The following TLR5 variants were observed in gnomAD, a reference collection of about 807,000 sequenced individuals.
The protein encoded by TLR5 is toll like receptor 5, also known as toll-like receptor 5.
For synonymous variants in TLR5, 373 were observed against 384.4 expected (o/e 0.97, Z 0.35); for missense variants, 944 against 999.8 (o/e 0.94, Z 0.75).
rs139710062 is a variant in TLR5, at chr1:223,131,367, C to T, written c.-5+1108G>A. Among the ~76,000 whole-genome samples, 4 of 152,320 alleles carry T rather than the reference C, an allele frequency of 2.6e-5. No homozygotes were observed. Among genetic ancestry groups the T allele is most frequent in the East Asian group, 3.9e-4 (2 of 5,182 alleles). ...TGGCATCCCATCACTGCCTTGTGCT[C>T]GAGATCTAACTTGCCATTCTCAGAG... On this transcript the variant is annotated intron_variant, in intron 5 of 5. Coordinates refer to ENST00000642603, the MANE Select transcript of TLR5 (RefSeq NM_003268.6). The surrounding 1 kb of genome is among the most constrained non-coding windows in gnomAD (Gnocchi z 4.2).
chr1:223,113,104 T>A (rs886434918), intron 5 of TLR5, 69 bp from the exon 6 acceptor site: 6 of 1,461,706 alleles, frequency 4.1e-6, no homozygotes, highest in African/African-American at 1.4e-5. Context: ...GGTCTTCAGA[T>A]CTTGGGGGTA....
In TLR5 at chr1:223,110,963, A is replaced by G. The variant is rs2102857326; in HGVS notation, c.2069T>C (p.Met690Thr). The G allele has an allele frequency of 2.5e-6, 4 of 1,614,268 alleles. No homozygotes were observed. The highest frequency in any genetic ancestry group is 1.7e-5 in the Admixed American group (1 of 60,030). Reference sequence around the variant, plus strand: ...GCACAAATAGGCATCATATTTGTACATATCAGGTTCTGTGCCCTGGGGATG... The same window carrying G: ...GCACAAATAGGCATCATATTTGTACGTATCAGGTTCTGTGCCCTGGGGATG... ...KDHPQGTEPD[M>T]YKYDAYLCFS... The change falls in exon 6 of 6, where the codon ATG becomes ACG. Residue 690 changes from methionine (M) to threonine (T), a missense_variant. Physicochemically the swap from Met to Thr is moderately conservative, Grantham distance 81. Transcript: ENST00000642603.
intron 5 of TLR5, among the ~76,000 whole-genome samples, chr1:223,125,029 TG>T (rs1213941551): frequency 6.6e-6 from 1 of 152,136 alleles, no homozygotes; most frequent in African/African-American, 2.4e-5. Flanking sequence ...ATATTGGAGG[TG>T]TATTTTGTGT....
chr1:223,136,224 T>C (rs1224277172), intron 3 of TLR5, among the ~76,000 whole-genome samples: 1 of 152,088 alleles, frequency 6.6e-6, no homozygotes, highest in Non-Finnish European at 1.5e-5. Context: ...AGGACCCCAG[T>C]GAGTTAGCTA....
In TLR5 at chr1:223,111,460, A is replaced by G; in HGVS notation, c.1572T>C (p.His524=). Reference sequence around the variant, plus strand: ...GGCTTAGTCCCCTTAATGCAGTCAGATGGCTAAATACTCCTGGTGGAAGGG... The same window carrying G: ...GGCTTAGTCCCCTTAATGCAGTCAGGTGGCTAAATACTCCTGGTGGAAGGG... ...LNSLPPGVFS[H]LTALRGLSLN... is the part of the protein sequence containing the mutation. The change falls in exon 6 of 6, where the codon CAT becomes CAC. Residue 524 remains histidine (H), a synonymous_variant. Transcript: ENST00000642603. The G allele has an allele frequency of 1.9e-6, 3 of 1,614,192 alleles. No homozygotes were observed. The highest frequency in any genetic ancestry group is 2.5e-6 in the Non-Finnish European group (3 of 1,180,034).
At chr1:223,117,533 A>G (rs563602619) in intron 5 of TLR5, among the ~76,000 whole-genome samples, 6 of 142,294 alleles carry the variant, frequency 4.2e-5, no homozygotes, top group African/African-American at 1.6e-4. Context: ...TATTCTCCAT[A>G]CAGCAAACAG....
chr1:223,131,433 G>A lies in TLR5; in HGVS notation c.-5+1042C>T, dbSNP rs931490491. 1.9e-4 allele frequency among the ~76,000 whole-genome samples: 29 copies of A among 152,146 alleles called. No individual in the cohort carries two copies. Among genetic ancestry groups the A allele is most frequent in the African/African-American group, 7.0e-4 (29 of 41,432 alleles). ...ATTCTCTCAGCTTAGGCTGGTCCTGGGGCTTGGAATGCTCGTGAATGTCTC... is the reference window on the plus strand; with the variant it reads ...ATTCTCTCAGCTTAGGCTGGTCCTGAGGCTTGGAATGCTCGTGAATGTCTC... On this transcript the variant is annotated intron_variant, in intron 5 of 5. Transcript: ENST00000642603. The surrounding 1 kb of genome is among the most constrained non-coding windows in gnomAD (Gnocchi z 4.2).
At chr1:223,117,996 T>C (rs1408951661) in intron 5 of TLR5, among the ~76,000 whole-genome samples, 1 of 152,164 alleles carries the variant, frequency 6.6e-6, no homozygotes, top group Non-Finnish European at 1.5e-5. Flanking sequence ...CTGTAAAATA[T>C]TTAAAGAGGT....
intron 5 of TLR5, among the ~76,000 whole-genome samples, chr1:223,115,257 ATTAT>A (rs1184055039): frequency 1.3e-5 from 2 of 152,110 alleles, no homozygotes; most frequent in Non-Finnish European, 2.9e-5. Flanking sequence ...TGTTTTATTT[ATTAT>A]TTATTTGAGA....
At chr1:223,138,476 G>C (rs1404153998) in intron 2 of TLR5, among the ~76,000 whole-genome samples, 4 of 151,846 alleles carry the variant, frequency 2.6e-5, no homozygotes, top group Non-Finnish European at 5.9e-5. Context: ...TCTGCTTCAG[G>C]CTTCTTCCAT....
chr1:223,114,701 TG>T (rs1338569945), intron 5 of TLR5, among the ~76,000 whole-genome samples: 2 of 152,176 alleles, frequency 1.3e-5, no homozygotes, highest in Non-Finnish European at 1.5e-5. Context: ...CATGGATGCC[TG>T]GATTGACTCA....
chr1:223,116,036 G>C (rs145075890), intron 5 of TLR5, among the ~76,000 whole-genome samples: 1 of 152,164 alleles, frequency 6.6e-6, no homozygotes, highest in Non-Finnish European at 1.5e-5. Flanking sequence ...TTTCCCCAGC[G>C]AGACTTCTCC....
At chr1:223,137,874 A>T (rs1264841083) in intron 2 of TLR5, among the ~76,000 whole-genome samples, 2 of 147,432 alleles carry the variant, frequency 1.4e-5, no homozygotes, top group Non-Finnish European at 3.0e-5. Context: ...AAGTCTAAAA[A>T]CCCCACCCAA....
intron 5 of TLR5, among the ~76,000 whole-genome samples, chr1:223,117,804 CT>C (rs1287157876): frequency 6.6e-6 from 1 of 152,104 alleles, no homozygotes; most frequent in African/African-American, 2.4e-5. Context: ...GGTATCACCC[CT>C]GTAATCAAGA....
At chr1:223,141,818 TATATAGAGAGAGAGAGAGAG>T (rs1657876884) in intron 1 of TLR5, 55 bp from the exon 2 acceptor site, 1 of 43,290 alleles carries the variant, frequency 2.3e-5, no homozygotes, top group South Asian at 9.5e-4. Flanking sequence ...TATATATATA[TATATAGAGAGAGAGAGAGAG>T]AGAGAGAGAG....
Position 223,111,772 on chromosome 1 carries a change from C to G in TLR5, c.1260G>C (p.Lys420Asn). 6.2e-7 allele frequency: 1 copy of G among 1,614,120 alleles called. No homozygotes were observed. The highest frequency in any genetic ancestry group is 8.5e-7 in the Non-Finnish European group (1 of 1,180,020). The change falls in exon 6 of 6, where the codon AAG (lysine) becomes AAC (asparagine). Residue 420 changes from lysine (K) to asparagine (N), a missense_variant. Transcript: ENST00000642603. ...GGATGAGGTTCGCTGTAAGGTTGATCTTTGGCAAAGTCACTAGTTTATTGC... is the reference window on the plus strand; with the variant it reads ...GGATGAGGTTCGCTGTAAGGTTGATGTTTGGCAAAGTCACTAGTTTATTGC... ...LSGNKLVTLP[K>N]INLTANLIHL...
At chr1:223,140,595 G>A (rs1160601228) in intron 2 of TLR5, among the ~76,000 whole-genome samples, 2 of 150,882 alleles carry the variant, frequency 1.3e-5, no homozygotes, top group Non-Finnish European at 2.9e-5. Context: ...AGGGCATCAT[G>A]GCTGGGTGAG....
At chr1:223,135,366 T>C (rs1657566844) in intron 3 of TLR5, among the ~76,000 whole-genome samples, 1 of 152,184 alleles carries the variant, frequency 6.6e-6, no homozygotes, top group Admixed American at 6.5e-5. Flanking sequence ...GGAATCTGCC[T>C]GGGCAGGCTG....
intron 5 of TLR5, among the ~76,000 whole-genome samples, chr1:223,124,058 C>T (rs1342887984): frequency 6.6e-6 from 1 of 152,216 alleles, no homozygotes; most frequent in African/African-American, 2.4e-5. Context: ...CAAGTCATTA[C>T]ACTATGCAAA....
Sources: allele counts gnomAD v4.1 joint callset (sites outside exome capture counted in the v4.1 genomes callset), GRCh38; gene constraint gnomAD v4.1.1; non-coding constraint Gnocchi (gnomAD v3.1); transcripts MANE v1.5; gene names NCBI Gene and HGNC (gene_info 2026-07-23, HGNC 2026-07-21).